The following GNRH1 variants were observed in gnomAD, a reference collection of about 807,000 sequenced individuals.
GNRH1 encodes the protein progonadoliberin-1.
GNRH1 carries 9 observed loss-of-function variants against 13.6 expected under a neutral mutation model. That is an observed-to-expected ratio of 0.66 (90% CI 0.40 to 1.15). The LOEUF is 1.15. Ranked by LOEUF, GNRH1 falls within the 50% of genes most tolerant of loss-of-function variation. The pLI, the probability that GNRH1 is intolerant of heterozygous loss-of-function variation, is 0.01. For synonymous variants in GNRH1, 44 were observed against 40.1 expected (o/e 1.10, Z -0.37); for missense variants, 116 against 110.8 (o/e 1.05, Z -0.21).
rs892749932 is a variant in GNRH1, at chr8:25,419,303, T to TG, written c.*115dup. ...TTATTATGGAATATGTGCAACTTGG[T>TG]GTAAGGATTTCTGAAATTCATACCA... On this transcript the variant is annotated 3_prime_UTR_variant, in exon 4 of 4. Coordinates refer to ENST00000421054, the MANE Select transcript of GNRH1 (RefSeq NM_001083111.2). 64 of 754,152 alleles carry TG rather than the reference T, an allele frequency of 8.5e-5. No individual in the cohort carries two copies. The highest frequency in any genetic ancestry group is 2.7e-4 in the Admixed American group (15 of 55,536). The allele number at this position is 754,152 out of a possible 1,614,324, so 46.7% of individuals were successfully genotyped here. A position where few individuals can be genotyped will look rare whatever the true frequency, so the allele number is the denominator to read the frequency against.
chr8:25,421,635 G>T lies in GNRH1; in HGVS notation c.175C>A (p.Gln59Lys). 6.2e-7 allele frequency: 1 copy of T among 1,604,336 alleles called. No individual in the cohort carries two copies. Among genetic ancestry groups the T allele is most frequent in the Non-Finnish European group, 8.5e-7 (1 of 1,173,098 alleles). ...VKEVGQLAET[Q>K]RFECTTHQPR... is the part of the protein sequence containing the mutation. ...TGGTGCGTGGTGCATTCGAAGCGTTGGGTTTCTGCCAGTTGACCAACCTCT... is the reference window on the plus strand; with the variant it reads ...TGGTGCGTGGTGCATTCGAAGCGTTTGGTTTCTGCCAGTTGACCAACCTCT... Residue 59 changes from glutamine to lysine, a missense_variant, in exon 3 of 4, where the codon CAA becomes AAA. Coordinates refer to ENST00000421054, the MANE Select transcript of GNRH1 (RefSeq NM_001083111.2).
chr8:25,419,372 A>G lies in GNRH1; in HGVS notation c.*47T>C. The G allele has an allele frequency of 6.0e-6, 6 of 997,690 alleles. No homozygotes were observed. The South Asian group carries it at 6.3e-5, about 11-fold the overall frequency. The allele number at this position is 997,690 out of a possible 1,614,324, so 61.8% of individuals were successfully genotyped here. A position where few individuals can be genotyped will look rare whatever the true frequency, so the allele number is the denominator to read the frequency against. On this transcript the variant is annotated 3_prime_UTR_variant, in exon 4 of 4. Transcript: ENST00000421054. ...GTTATAAATTTTCAATGTCAGAATT[A>G]TACTTAAGTCATGTTAGTAATGGTC... is the stretch of plus-strand genomic sequence containing the variant.
At position 25,421,616 on chromosome 8, in the gene GNRH1, G is replaced by A. The variant is rs776710550; in HGVS notation, c.194C>T (p.Thr65Met). Residue 65 changes from threonine (T) to methionine (M), a missense_variant, in exon 3 of 4, where the codon ACG (threonine) becomes ATG (methionine). By Grantham distance (81) the Thr-to-Met change is moderately conservative. Transcript: ENST00000421054. ...LAETQRFECT[T>M]HQPRSPLRDL... ...TCGGAGGGGAGAACGTGGCTGGTGC[G>A]TGGTGCATTCGAAGCGTTGGGTTTC... is the stretch of plus-strand genomic sequence containing the variant. The A allele has an allele frequency of 2.3e-5, 37 of 1,606,382 alleles. No individual in the cohort carries two copies. In the Admixed American group the frequency reaches 3.5e-4, roughly 15 times the overall value.
chr8:25,421,657 C>T lies in GNRH1; in HGVS notation c.153G>A (p.Glu51=), dbSNP rs749891352. The change falls in exon 3 of 4, where the codon GAG becomes GAA. Residue 51 remains glutamate, a synonymous_variant. Coordinates refer to ENST00000421054, the MANE Select transcript of GNRH1 (RefSeq NM_001083111.2). ...LIDSFQEIVK[E]VGQLAETQRF... ...GTTGGGTTTCTGCCAGTTGACCAAC[C>T]TCTTTGACTATCTGAAGAAAGAGAA... The T allele has an allele frequency of 2.2e-5, 35 of 1,555,738 alleles. No individual in the cohort carries two copies. Among genetic ancestry groups the T allele is most frequent in the Middle Eastern group, 4.6e-4 (2 of 4,368 alleles).
intron 3 of GNRH1, 128 bp from the exon 4 acceptor site, chr8:25,419,588 T>C: frequency 1.5e-6 from 1 of 669,542 alleles, no homozygotes; most frequent in Non-Finnish European, 2.7e-6. Flanking sequence ...CTCTAGTTAG[T>C]GCTAGGGAGA....
intron 1 of GNRH1, chr8:25,423,598 G>A: frequency 2.2e-6 from 1 of 460,142 alleles, no homozygotes. Flanking sequence ...TATTTTTATT[G>A]TTTGGTTATC....
At chr8:25,422,719 C>T (rs1300326772) in intron 2 of GNRH1, among the ~76,000 whole-genome samples, 2 of 152,054 alleles carry the variant, frequency 1.3e-5, no homozygotes, top group Non-Finnish European at 2.9e-5. Context: ...TTAAATGCCC[C>T]TATCAGTGAA....
In GNRH1 at chr8:25,419,279, TA is replaced by T; in HGVS notation, c.*139del. The T allele has an allele frequency of 1.4e-6, 1 of 708,102 alleles. No homozygotes were observed. The allele number at this position is 708,102 out of a possible 1,614,324, so 43.9% of individuals were successfully genotyped here. A position where few individuals can be genotyped will look rare whatever the true frequency, so the allele number is the denominator to read the frequency against. On this transcript the variant is annotated 3_prime_UTR_variant, in exon 4 of 4. Transcript: ENST00000421054. ...CCACTTCATTCACAACACAGCACTT[TA>T]TTATGGAATATGTGCAACTTGGTGT...
At chr8:25,421,011 A>G (rs1049646408) in intron 3 of GNRH1, among the ~76,000 whole-genome samples, 21 of 152,152 alleles carry the variant, frequency 1.4e-4, no homozygotes, top group African/African-American at 4.6e-4. Flanking sequence ...GGAGGTGATT[A>G]TTGTCCTATC....
At chr8:25,423,457 T>G in intron 1 of GNRH1, 126 bp from the exon 2 acceptor site, 1 of 826,088 alleles carries the variant, frequency 1.2e-6, no homozygotes, top group African/African-American at 1.7e-5. Context: ...TCAGAGTCAG[T>G]TTTTACATAC....
At chr8:25,420,915 T>C (rs984333716) in intron 3 of GNRH1, among the ~76,000 whole-genome samples, 1 of 152,118 alleles carries the variant, frequency 6.6e-6, no homozygotes, top group African/African-American at 2.4e-5. Flanking sequence ...TTTTAAAAGA[T>C]TCAATTTATA....
rs1563239950 is a variant in GNRH1 at position 25,419,446 on chromosome 8, T to C, written c.252A>G (p.Glu84=). The change falls in exon 4 of 4, where the codon GAA becomes GAG. Residue 84 remains glutamate (E), a synonymous_variant. Transcript: ENST00000421054. The part of the protein sequence containing the change: ...DLKGALESLI[E]EETGQKKI ...AAATCTTCTTCTGCCCAGTTTCCTC[T>C]TCAATCAGACTTTCCTGAAAAATAT... 6.8e-7 allele frequency: 1 copy of C among 1,474,706 alleles called. No individual in the cohort carries two copies. The highest frequency in any genetic ancestry group is 9.5e-7 in the Non-Finnish European group (1 of 1,053,022). The allele number at this position is 1,474,706 out of a possible 1,614,324, so 91.4% of individuals were successfully genotyped here.
chr8:25,422,988 T>C lies in GNRH1; in HGVS notation c.141+202A>G, dbSNP rs116002345. On this transcript the variant is annotated intron_variant, in intron 2 of 3. Coordinates refer to ENST00000421054, the MANE Select transcript of GNRH1 (RefSeq NM_001083111.2). ...CACTTGTTGCTATTAATATATTCTTTTGGAATTTTTCCAGCTCTTTGTTTA... is the reference window on the plus strand; with the variant it reads ...CACTTGTTGCTATTAATATATTCTTCTGGAATTTTTCCAGCTCTTTGTTTA... Among the ~76,000 whole-genome samples the C allele has an allele frequency of 8.7e-3, 1,328 of 152,306 alleles. 22 individuals are homozygous for C. Among genetic ancestry groups the C allele is most frequent in the African/African-American group, 0.03 (1,241 of 41,564 alleles).
In GNRH1 at chr8:25,423,221, T is replaced by C. The variant is rs754874700; in HGVS notation, c.110A>G (p.Asp37Gly). 9.3e-6 allele frequency: 15 copies of C among 1,612,902 alleles called. No individual in the cohort carries two copies. The highest frequency in any genetic ancestry group is 1.3e-5 in the Non-Finnish European group (15 of 1,179,012). ...SYGLRPGGKR[D>G]AENLIDSFQE... Reference sequence around the variant, plus strand: ...GAAAGAATCAATCAAATTTTCGGCATCTCTCTTTCCTCCAGGGCGCAGTCC... The same window carrying C: ...GAAAGAATCAATCAAATTTTCGGCACCTCTCTTTCCTCCAGGGCGCAGTCC... The change falls in exon 2 of 4, where the codon GAT (aspartate) becomes GGT (glycine). Residue 37 changes from aspartate to glycine, a missense_variant. Asp to Gly is a moderately conservative substitution (Grantham distance 94). Transcript: ENST00000421054.
chr8:25,421,680 G>C lies in GNRH1; in HGVS notation c.142-12C>G. On this transcript the variant is annotated splice_polypyrimidine_tract_variant and intron_variant, in intron 2 of 3. Transcript: ENST00000421054. ...ACCTCTTTGACTATCTGAAGAAAGA[G>C]AATGTGATGCTTTGAGATGGAGATA... 1 of 1,301,742 alleles carries C rather than the reference G, an allele frequency of 7.7e-7. No individual in the cohort carries two copies. The allele number at this position is 1,301,742 out of a possible 1,614,324, so 80.6% of individuals were successfully genotyped here.
rs1470492709 is a variant in GNRH1 at position 25,423,342 on chromosome 8, T to C, written c.-1-11A>G. On this transcript the variant is annotated splice_polypyrimidine_tract_variant and intron_variant, in intron 1 of 3. Coordinates refer to ENST00000421054, the MANE Select transcript of GNRH1 (RefSeq NM_001083111.2). ...TGAATTGGCTTCATTCTAAGGCACATGAATGCACAATCAAATTAGATCCAG... is the reference window on the plus strand; with the variant it reads ...TGAATTGGCTTCATTCTAAGGCACACGAATGCACAATCAAATTAGATCCAG... The C allele has an allele frequency of 6.2e-7, 1 of 1,610,540 alleles. No homozygotes were observed. The highest frequency in any genetic ancestry group is 8.5e-7 in the Non-Finnish European group (1 of 1,176,974).
In GNRH1 at chr8:25,423,275, T is replaced by G; in HGVS notation, c.56A>C (p.Glu19Ala). Reference protein sequence around the residue: ...AGLILLTWCVEGCSSQHWSYG... With the variant: ...AGLILLTWCVAGCSSQHWSYG... ...GGACCAGTGCTGGCTGGAGCAGCCT[T>G]CCACGCACCAAGTCAGTAGAATAAG... is the stretch of plus-strand genomic sequence containing the variant. The change falls in exon 2 of 4, where the codon GAA becomes GCA. Residue 19 changes from glutamate (E) to alanine (A), a missense_variant. Glu to Ala is a moderately radical substitution (Grantham distance 107). Transcript: ENST00000421054. 1 of 1,612,204 alleles carries G rather than the reference T, an allele frequency of 6.2e-7. No homozygotes were observed. The highest frequency in any genetic ancestry group is 1.1e-5 in the South Asian group (1 of 91,048).
At chr8:25,419,570 A>AT in intron 3 of GNRH1, 110 bp from the exon 4 acceptor site, 1 of 725,382 alleles carries the variant, frequency 1.4e-6, no homozygotes, top group Non-Finnish European at 2.5e-6. Flanking sequence ...GGTCTGTTTG[A>AT]TTTTGTGCTC....
chr8:25,423,186 T>G lies in GNRH1; in HGVS notation c.141+4A>C. 6.2e-7 allele frequency: 1 copy of G among 1,603,940 alleles called. No homozygotes were observed. The highest frequency in any genetic ancestry group is 8.5e-7 in the Non-Finnish European group (1 of 1,170,746). The stretch of plus-strand genomic sequence containing the variant: ...GTCTTATTTTGAAGCTGAGAGAAAC[T>G]TACCTCTTGGAAAGAATCAATCAAA... On this transcript the variant is annotated splice_donor_region_variant and intron_variant, in intron 2 of 3. Coordinates refer to ENST00000421054, the MANE Select transcript of GNRH1 (RefSeq NM_001083111.2).
Sources: allele counts gnomAD v4.1 joint callset (sites outside exome capture counted in the v4.1 genomes callset), GRCh38; gene constraint gnomAD v4.1.1; transcripts MANE v1.5; gene names NCBI Gene and HGNC (gene_info 2026-07-23, HGNC 2026-07-21).